Variants in PRUNE2 observed in about 807,000 individuals in gnomAD.
The protein encoded by PRUNE2 is protein prune homolog 2.
Under a neutral mutation model 252.0 loss-of-function variants are expected in PRUNE2, and 164 were observed. The ratio of observed to expected loss-of-function variants is 0.65; its 90% CI spans 0.57 to 0.74. The LOEUF is 0.74. Among genes scored for constraint, PRUNE2 ranks in the 30% least tolerant of loss-of-function variants. PRUNE2 has a pLI of 0.00. For synonymous variants in PRUNE2, 1,292 were observed against 1,350.2 expected (o/e 0.96, Z 0.94); for missense variants, 3,495 against 3,711.0 (o/e 0.94, Z 1.51).
At chr9:76,895,984 T>C (rs1323652577) in intron 1 of PRUNE2, among the ~76,000 whole-genome samples, 3 of 151,958 alleles carry the variant, frequency 2.0e-5, no homozygotes, top group Non-Finnish European at 4.4e-5. Flanking sequence ...ACCATGTTGG[T>C]CAGGCTGGTC....
intron 1 of PRUNE2, among the ~76,000 whole-genome samples, chr9:76,891,460 C>A (rs2062467756): frequency 6.6e-6 from 1 of 152,216 alleles, no homozygotes; most frequent in Non-Finnish European, 1.5e-5. Flanking sequence ...GACACTTAGT[C>A]TCCAGAGCCT....
At chr9:76,771,381 T>C (rs556178623) in intron 6 of PRUNE2, among the ~76,000 whole-genome samples, 8 of 152,280 alleles carry the variant, frequency 5.3e-5, no homozygotes, top group African/African-American at 1.7e-4. Flanking sequence ...CAAATATGAA[T>C]TATTTCTTCA....
intron 6 of PRUNE2, among the ~76,000 whole-genome samples, chr9:76,715,648 G>A (rs2047086681): frequency 6.6e-6 from 1 of 152,164 alleles, no homozygotes. Context: ...CAGCTTTCAT[G>A]CTTTTTATTT....
chr9:76,781,553 C>T (rs1191711484), intron 6 of PRUNE2, among the ~76,000 whole-genome samples: 3 of 152,208 alleles, frequency 2.0e-5, no homozygotes, highest in Non-Finnish European at 4.4e-5. Context: ...AGAACTTACA[C>T]ACCTCCCTAT....
At chr9:76,632,738 T>A (rs1011375033) in intron 15 of PRUNE2, among the ~76,000 whole-genome samples, 6 of 150,380 alleles carry the variant, frequency 4.0e-5, no homozygotes, top group Non-Finnish European at 7.4e-5. Flanking sequence ...TAAAAAAAAA[T>A]TTTCCAGAGT....
intron 6 of PRUNE2, among the ~76,000 whole-genome samples, chr9:76,732,042 C>G (rs557518928): frequency 1.3e-5 from 2 of 152,268 alleles, no homozygotes; most frequent in South Asian, 4.1e-4. Context: ...TGGCCGGGCG[C>G]GGTGGCTCAC....
In PRUNE2 at chr9:76,703,501, T is replaced by C. The variant is rs746394153; in HGVS notation, c.8112A>G (p.Arg2704=). The change falls in exon 9 of 19, where the codon CGA becomes CGG. Residue 2704 remains arginine, a synonymous_variant. Transcript: ENST00000376718. ...PVSQSQKSKS[R]GRAGPDAVTL... Reference sequence around the variant, plus strand: ...TAACTGCATCCGGGCCAGCCCTGCCTCGGCTCTTACTCTTCTGTGATTGGC... The same window carrying C: ...TAACTGCATCCGGGCCAGCCCTGCCCCGGCTCTTACTCTTCTGTGATTGGC... The C allele has an allele frequency of 6.2e-7, 1 of 1,613,838 alleles. No individual in the cohort carries two copies. The highest frequency in any genetic ancestry group is 1.7e-5 in the Admixed American group (1 of 59,990).
intron 18 of PRUNE2, among the ~76,000 whole-genome samples, chr9:76,617,168 T>G (rs1183225570): frequency 6.6e-6 from 1 of 152,208 alleles, no homozygotes; most frequent in Non-Finnish European, 1.5e-5. Flanking sequence ...ATGAGGTTCC[T>G]TACAAACTGT....
chr9:76,892,382 G>C (rs1032042253), intron 1 of PRUNE2, among the ~76,000 whole-genome samples: 2 of 152,190 alleles, frequency 1.3e-5, no homozygotes, highest in Non-Finnish European at 2.9e-5. Context: ...GATGTATAAA[G>C]AAGCTTAAGA....
At chr9:76,855,082 A>AAATATAT (rs1490285240) in intron 1 of PRUNE2, among the ~76,000 whole-genome samples, 2 of 109,438 alleles carry the variant, frequency 1.8e-5, no homozygotes, top group Non-Finnish European at 3.5e-5. Context: ...AAAAAAAAAA[A>AAATATAT]ATATATATAT....
intron 6 of PRUNE2, among the ~76,000 whole-genome samples, chr9:76,748,136 T>C (rs2050302631): frequency 6.6e-6 from 1 of 152,106 alleles, no homozygotes; most frequent in Non-Finnish European, 1.5e-5. Flanking sequence ...AGGTCAGACA[T>C]TTTCTGTCAC....
At chr9:76,773,932 C>T (rs2053409664) in intron 6 of PRUNE2, among the ~76,000 whole-genome samples, 1 of 151,986 alleles carries the variant, frequency 6.6e-6, no homozygotes, top group Non-Finnish European at 1.5e-5. Context: ...AATGAGACTC[C>T]TTTATAAAGA....
chr9:76,852,037 T>TC (rs1253633240), intron 2 of PRUNE2, among the ~76,000 whole-genome samples: 1 of 152,176 alleles, frequency 6.6e-6, no homozygotes, highest in African/African-American at 2.4e-5. Context: ...ATCATCTGTC[T>TC]CCCCTTTCTA....
At chr9:76,867,061 G>A (rs114658846) in intron 1 of PRUNE2, among the ~76,000 whole-genome samples, 2,020 of 152,152 alleles carry the variant, frequency 0.013, 41 homozygotes, top group African/African-American at 0.046. Context: ...TAAATAAGAA[G>A]CCCAAATTCT....
At chr9:76,666,124 T>C (rs1161795250) in intron 9 of PRUNE2, among the ~76,000 whole-genome samples, 1 of 152,186 alleles carries the variant, frequency 6.6e-6, no homozygotes, top group Admixed American at 6.5e-5. Flanking sequence ...CCTTCTGTTA[T>C]GCCCGGACAG....
intron 6 of PRUNE2, among the ~76,000 whole-genome samples, chr9:76,822,425 C>G (rs1667371969): frequency 6.6e-6 from 1 of 152,198 alleles, no homozygotes; most frequent in Admixed American, 6.5e-5. Flanking sequence ...CTGGCTTGCT[C>G]TTGGGTTTTC....
chr9:76,718,178 C>T (rs975407680), intron 6 of PRUNE2, among the ~76,000 whole-genome samples: 1 of 152,200 alleles, frequency 6.6e-6, no homozygotes, highest in Non-Finnish European at 1.5e-5. Flanking sequence ...TTCATTCTCA[C>T]AATATCCTAT....
At chr9:76,618,181 A>G (rs1020028720) in intron 18 of PRUNE2, among the ~76,000 whole-genome samples, 1 of 152,232 alleles carries the variant, frequency 6.6e-6, no homozygotes, top group Admixed American at 6.5e-5. Flanking sequence ...GCATGCATCC[A>G]GAATTGGCCC....
Position 76,711,321 on chromosome 9 carries a change from A to C in PRUNE2, c.953T>G (p.Leu318Arg), listed in dbSNP as rs923831727. ...GCCACAGTCAAAGGGCTCCAGTTCT[A>C]GGCAAGGGTTCTGACACTCTTCCAG... ...CELEECQNPC[L>R]ELEPFDCGCD... The change falls in exon 8 of 19, where the codon CTA becomes CGA. Residue 318 changes from leucine to arginine, a missense_variant. Leu to Arg is a moderately radical substitution (Grantham distance 102, BLOSUM62 -2). Coordinates refer to ENST00000376718, the MANE Select transcript of PRUNE2 (RefSeq NM_015225.3). 1.2e-6 allele frequency: 2 copies of C among 1,613,366 alleles called. No homozygotes were observed. The highest frequency in any genetic ancestry group is 8.5e-7 in the Non-Finnish European group (1 of 1,179,766).
Sources: allele counts gnomAD v4.1 joint callset (sites outside exome capture counted in the v4.1 genomes callset), GRCh38; gene constraint gnomAD v4.1.1; transcripts MANE v1.5; gene names NCBI Gene and HGNC (gene_info 2026-07-23, HGNC 2026-07-21).